The following KCNIP4 variants were observed in gnomAD, a reference collection of about 807,000 sequenced individuals.
KCNIP4 encodes the protein potassium voltage-gated channel interacting protein 4.
KCNIP4 carries 12 observed loss-of-function variants against 34.0 expected under a neutral mutation model. That is an observed-to-expected ratio of 0.35 (90% CI 0.23 to 0.57). The LOEUF is 0.57. KCNIP4 is among the 20% of genes least tolerant of loss of function. The probability of loss-of-function intolerance (pLI) is 0.83; values close to 1 mark genes in which losing one functional copy is unlikely to be tolerated. For synonymous variants in KCNIP4, 124 were observed against 102.2 expected, an observed-to-expected ratio of 1.21 and a Z score of -1.29; for missense variants, 238 against 311.7, an observed-to-expected ratio of 0.76 and a Z score of 1.78.
intron 1 of KCNIP4, among the ~76,000 whole-genome samples, chr4:21,283,625 T>TAC (rs1019102161): frequency 1.6e-5 from 2 of 125,012 alleles, no homozygotes; most frequent in African/African-American, 6.2e-5. Context: ...AATCTATATA[T>TAC]ACATATGAAG....
chr4:21,146,474 C>T (rs917169339), intron 1 of KCNIP4, among the ~76,000 whole-genome samples: 8 of 152,156 alleles, frequency 5.3e-5, no homozygotes, highest in Non-Finnish European at 1.2e-4. Flanking sequence ...GCTCAGCTAC[C>T]AGCATTTATC....
chr4:21,014,299 C>T (rs1739315133), intron 1 of KCNIP4, among the ~76,000 whole-genome samples: 1 of 152,186 alleles, frequency 6.6e-6, no homozygotes, highest in Non-Finnish European at 1.5e-5. Context: ...ATTCTCCTTT[C>T]CCCTCAAAGC....
intron 1 of KCNIP4, among the ~76,000 whole-genome samples, chr4:21,779,683 C>A (rs1201369589): frequency 6.6e-6 from 1 of 152,096 alleles, no homozygotes; most frequent in Non-Finnish European, 1.5e-5. Context: ...GCAGAAGAAT[C>A]ATTTAGCCCA....
intron 1 of KCNIP4, among the ~76,000 whole-genome samples, chr4:20,951,094 A>G (rs1732741498): frequency 6.6e-6 from 1 of 152,128 alleles, no homozygotes; most frequent in Non-Finnish European, 1.5e-5. Flanking sequence ...AAGACACGTC[A>G]GAGTGCTCTC....
intron 1 of KCNIP4, among the ~76,000 whole-genome samples, chr4:21,641,487 T>C (rs182225875): frequency 6.6e-6 from 1 of 152,244 alleles, no homozygotes; most frequent in East Asian, 1.9e-4. Flanking sequence ...ATATACCAAT[T>C]TATGGGCTGT....
chr4:20,904,021 G>A (rs1469484395), intron 1 of KCNIP4, among the ~76,000 whole-genome samples: 1 of 152,076 alleles, frequency 6.6e-6, no homozygotes, highest in African/African-American at 2.4e-5. Context: ...TATAAAAGCA[G>A]TGTTTTAAAG....
Position 20,936,414 on chromosome 4 carries a change from G to GGT in KCNIP4, c.62-53706_62-53705insAC, listed in dbSNP as rs1553918026. ...ACCAGGTACTAAGATTAAAAGATAT[G>GGT]TTTTTTTTTTCTAAAATAAGGCCCC... On this transcript the variant is annotated intron_variant, in intron 1 of 8. Transcript: ENST00000382152. 5.3e-5 allele frequency among the ~76,000 whole-genome samples: 8 copies of GGT among 150,322 alleles called. 1 individual carries two copies. Among genetic ancestry groups the GGT allele is most frequent in the Middle Eastern group, 3.2e-3 (1 of 314 alleles).
chr4:21,182,307 T>C (rs1754896294), intron 1 of KCNIP4, among the ~76,000 whole-genome samples: 1 of 152,122 alleles, frequency 6.6e-6, no homozygotes, highest in South Asian at 2.1e-4. Context: ...AACAACCCAG[T>C]GATTCCTCTT....
chr4:21,097,756 A>G (rs998557178), intron 1 of KCNIP4, among the ~76,000 whole-genome samples: 2 of 152,146 alleles, frequency 1.3e-5, no homozygotes, highest in Admixed American at 6.6e-5. Flanking sequence ...AAAAAACATT[A>G]TTGAAATTAG....
intron 3 of KCNIP4, among the ~76,000 whole-genome samples, chr4:20,816,115 T>C (rs1023875210): frequency 6.6e-6 from 1 of 152,012 alleles, no homozygotes; most frequent in Non-Finnish European, 1.5e-5. Context: ...TAGTCAGGCA[T>C]GGTGGTGCAC....
intron 1 of KCNIP4, among the ~76,000 whole-genome samples, chr4:21,945,116 G>A (rs751045327): frequency 7.9e-5 from 12 of 152,080 alleles, no homozygotes; most frequent in African/African-American, 2.9e-4. Flanking sequence ...GTGAGAACAC[G>A]AAAAATAAAT....
chr4:21,943,904 T>C (rs1345643388), intron 1 of KCNIP4, among the ~76,000 whole-genome samples: 2 of 151,298 alleles, frequency 1.3e-5, no homozygotes, highest in Non-Finnish European at 2.9e-5. Flanking sequence ...AACCAACAAG[T>C]CTTGGTGACT....
At chr4:21,198,476 T>A (rs1577873521) in intron 1 of KCNIP4, among the ~76,000 whole-genome samples, 1 of 152,212 alleles carries the variant, frequency 6.6e-6, no homozygotes, top group South Asian at 2.1e-4. Flanking sequence ...TGTTTAGTAC[T>A]TTATAGACTT....
At chr4:20,756,700 A>G (rs1469043258) in intron 4 of KCNIP4, among the ~76,000 whole-genome samples, 1 of 152,016 alleles carries the variant, frequency 6.6e-6, no homozygotes, top group Non-Finnish European at 1.5e-5. Flanking sequence ...GATCATGCCC[A>G]ACAATGACTC....
chr4:21,466,138 G>A (rs1379548950), intron 1 of KCNIP4, among the ~76,000 whole-genome samples: 1 of 152,122 alleles, frequency 6.6e-6, no homozygotes, highest in Non-Finnish European at 1.5e-5. Context: ...CCTCAGGCCT[G>A]TCCTGCCTAG....
At chr4:21,625,031 G>C (rs980585330) in intron 1 of KCNIP4, among the ~76,000 whole-genome samples, 2 of 152,008 alleles carry the variant, frequency 1.3e-5, no homozygotes, top group African/African-American at 4.8e-5. Context: ...ATGATCTGAG[G>C]TTCCAAATTA....
At chr4:20,976,359 T>C (rs1735489228) in intron 1 of KCNIP4, among the ~76,000 whole-genome samples, 1 of 152,230 alleles carries the variant, frequency 6.6e-6, no homozygotes, top group African/African-American at 2.4e-5. Context: ...AACTGGAACA[T>C]GGCAACTGTT....
intron 1 of KCNIP4, among the ~76,000 whole-genome samples, chr4:21,273,215 GGTC>G (rs1762255969): frequency 2.0e-5 from 3 of 152,138 alleles, no homozygotes; most frequent in Admixed American, 2.0e-4. Flanking sequence ...CACAATTCCT[GGTC>G]AATATAAGTG....
chr4:21,866,822 T>C (rs933153190), intron 1 of KCNIP4, among the ~76,000 whole-genome samples: 1 of 128,722 alleles, frequency 7.8e-6, no homozygotes, highest in Non-Finnish European at 1.5e-5. Context: ...CAGGCTGGAG[T>C]GCACTGGTGC....
Sources: allele counts gnomAD v4.1 joint callset (sites outside exome capture counted in the v4.1 genomes callset), GRCh38; gene constraint gnomAD v4.1.1; transcripts MANE v1.5; gene names NCBI Gene and HGNC (gene_info 2026-07-23, HGNC 2026-07-21).